EYS: variants seen among roughly 807,000 people sequenced by gnomAD.
EYS encodes EGF-like photoreceptor maintenance factor.
EYS carries 250 observed loss-of-function variants against 282.1 expected under a neutral mutation model. The ratio of observed to expected loss-of-function variants is 0.89; its 90% CI spans 0.80 to 0.98. The LOEUF (loss-of-function observed/expected upper bound fraction) is 0.98. Ranked by LOEUF, EYS falls within the 50% of genes least tolerant of loss-of-function variation. The pLI, the probability that EYS is intolerant of heterozygous loss-of-function variation, is 0.00. For synonymous variants in EYS, 1,355 were observed against 1,282.9 expected (o/e 1.06, Z -1.20); for missense variants, 4,016 against 3,709.0 (o/e 1.08, Z -2.15).
At chr6:64,535,716 G>T (rs889310786) in intron 26 of EYS, among the ~76,000 whole-genome samples, 2 of 151,646 alleles carry the variant, frequency 1.3e-5, no homozygotes, top group African/African-American at 2.4e-5. Flanking sequence ...CTTCAGCTTG[G>T]GCAACAGAGC....
At chr6:64,904,783 A>T (rs1412347567) in intron 16 of EYS, among the ~76,000 whole-genome samples, 1 of 152,100 alleles carries the variant, frequency 6.6e-6, no homozygotes, top group East Asian at 1.9e-4. Flanking sequence ...AGGGCCCAGG[A>T]CCTTGGGTAG....
Position 64,359,781 on chromosome 6 carries a change from C to A in EYS, c.6078+28909G>T, listed in dbSNP as rs751018204. ...GGGCAACAACCCTATTGGATTAGGG[C>A]CCCATCCTTATCACCTCACTGAACA... On this transcript the variant is annotated intron_variant, in intron 29 of 42. Coordinates refer to ENST00000503581, the MANE Select transcript of EYS (RefSeq NM_001142800.2). Among the ~76,000 whole-genome samples the A allele has an allele frequency of 4.6e-5, 7 of 151,648 alleles. 1 individual carries two copies. The highest frequency in any genetic ancestry group is 1.0e-4 in the Non-Finnish European group (7 of 67,738).
intron 31 of EYS, among the ~76,000 whole-genome samples, chr6:64,166,287 G>T (rs1218697381): frequency 6.6e-6 from 1 of 152,164 alleles, no homozygotes. Flanking sequence ...CGCTTAACGA[G>T]TATTCCCATA....
intron 9 of EYS, among the ~76,000 whole-genome samples, chr6:65,347,834 A>G (rs1434891907): frequency 6.6e-6 from 1 of 151,480 alleles, no homozygotes; most frequent in Non-Finnish European, 1.5e-5. Flanking sequence ...ATTATATCTA[A>G]TTATATTTTT....
intron 12 of EYS, among the ~76,000 whole-genome samples, chr6:65,236,479 T>C (rs1467561131): frequency 6.6e-6 from 1 of 151,966 alleles, no homozygotes; most frequent in African/African-American, 2.4e-5. Context: ...GGCATGGTGG[T>C]GCACGCTTGT....
intron 36 of EYS, among the ~76,000 whole-genome samples, chr6:63,836,593 A>G (rs1012921647): frequency 8.6e-5 from 13 of 152,046 alleles, no homozygotes; most frequent in Admixed American, 8.5e-4. Flanking sequence ...GAAAGAAAAT[A>G]TCAAATATAT....
At chr6:65,329,787 T>C (rs1443564020) in intron 11 of EYS, 20 of 981,798 alleles carry the variant, frequency 2.0e-5, no homozygotes, top group African/African-American at 3.5e-5. Flanking sequence ...CCTGGTCAAA[T>C]TATACTATAC....
At chr6:65,317,771 A>AG in intron 11 of EYS, among the ~76,000 whole-genome samples, 1 of 129,078 alleles carries the variant, frequency 7.7e-6, no homozygotes, top group Non-Finnish European at 1.7e-5. Context: ...TGGAGGCTAC[A>AG]TTTTCTCTTC....
intron 31 of EYS, among the ~76,000 whole-genome samples, chr6:64,174,208 A>G (rs1019222131): frequency 1.3e-5 from 2 of 152,114 alleles, no homozygotes; most frequent in African/African-American, 4.8e-5. Context: ...TCATTTTTCA[A>G]CTGAAAGTGA....
intron 30 of EYS, among the ~76,000 whole-genome samples, chr6:64,306,084 A>G (rs1048587897): frequency 1.6e-4 from 24 of 152,130 alleles, no homozygotes; most frequent in African/African-American, 5.1e-4. Flanking sequence ...AAATGTCTCA[A>G]GAGAAGATAT....
At chr6:65,480,436 A>G (rs1277562137) in intron 5 of EYS, among the ~76,000 whole-genome samples, 1 of 152,100 alleles carries the variant, frequency 6.6e-6, no homozygotes. Context: ...TAAACCAGAG[A>G]AGCAACATAT....
At chr6:64,666,809 C>T (rs1769245767) in intron 22 of EYS, among the ~76,000 whole-genome samples, 1 of 152,198 alleles carries the variant, frequency 6.6e-6, no homozygotes, top group African/African-American at 2.4e-5. Context: ...CTCCTCACAA[C>T]CTGATTCCAT....
chr6:64,632,985 T>C (rs1031025632), intron 22 of EYS, among the ~76,000 whole-genome samples: 11 of 152,164 alleles, frequency 7.2e-5, no homozygotes, highest in African/African-American at 2.7e-4. Flanking sequence ...TTTAATTTTA[T>C]TATAGTCAAA....
chr6:64,324,588 C>G (rs1408393643), intron 29 of EYS, among the ~76,000 whole-genome samples: 1 of 152,076 alleles, frequency 6.6e-6, no homozygotes, highest in Non-Finnish European at 1.5e-5. Flanking sequence ...CTCACATCAC[C>G]CCATTCAATA....
intron 30 of EYS, among the ~76,000 whole-genome samples, chr6:64,235,005 G>C (rs1372605263): frequency 1.3e-5 from 2 of 151,884 alleles, no homozygotes; most frequent in Admixed American, 6.6e-5. Context: ...AGCCTCCCGA[G>C]TAGCTGGGAT....
chr6:65,589,306 C>T (rs940722990), intron 2 of EYS, among the ~76,000 whole-genome samples: 2 of 152,042 alleles, frequency 1.3e-5, no homozygotes, highest in Non-Finnish European at 2.9e-5. Context: ...CTTTGAATTC[C>T]TCTCATTTGA....
intron 37 of EYS, among the ~76,000 whole-genome samples, chr6:63,796,416 C>T (rs1770645830): frequency 6.6e-6 from 1 of 152,102 alleles, no homozygotes; most frequent in African/African-American, 2.4e-5. Context: ...CCAGTTAATG[C>T]AAAGGTTAAT....
At chr6:65,170,945 A>T (rs992594183) in intron 12 of EYS, among the ~76,000 whole-genome samples, 1 of 151,492 alleles carries the variant, frequency 6.6e-6, no homozygotes, top group Admixed American at 6.6e-5. Flanking sequence ...TTTCTCAATA[A>T]TTTTATATTT....
intron 26 of EYS, among the ~76,000 whole-genome samples, chr6:64,464,046 C>T (rs2150487366): frequency 6.6e-6 from 1 of 152,266 alleles, no homozygotes; most frequent in Non-Finnish European, 1.5e-5. Flanking sequence ...ATATACTTCT[C>T]AACAAAATAC....
Sources: allele counts gnomAD v4.1 joint callset (sites outside exome capture counted in the v4.1 genomes callset), GRCh38; gene constraint gnomAD v4.1.1; transcripts MANE v1.5; gene names NCBI Gene and HGNC (gene_info 2026-07-23, HGNC 2026-07-21).